Variants in CNBD1 observed in about 807,000 individuals in gnomAD.
CNBD1 encodes cyclic nucleotide binding domain containing 1.
CNBD1 carries 71 observed loss-of-function variants against 54.4 expected under a neutral mutation model. That is an observed-to-expected ratio of 1.30 (90% CI 1.08 to 1.59). The LOEUF (loss-of-function observed/expected upper bound fraction) is 1.59, where lower values mean the gene tolerates loss of function less well. Ranked by LOEUF, CNBD1 falls within the 40% of genes most tolerant of loss-of-function variation. The pLI, the probability that CNBD1 is intolerant of heterozygous loss-of-function variation, is 0.00. For missense variants in CNBD1, 659 were observed against 518.0 expected, an observed-to-expected ratio of 1.27 and a Z score of -2.64; for synonymous variants, 182 against 170.7, an observed-to-expected ratio of 1.07 and a Z score of -0.51.
At chr8:87,218,057 C>T (rs1814251430) in intron 5 of CNBD1, among the ~76,000 whole-genome samples, 1 of 151,954 alleles carries the variant, frequency 6.6e-6, no homozygotes, top group South Asian at 2.1e-4. Context: ...TTAGCTCTTC[C>T]ACCCGAATAC....
chr8:87,408,552 G>A (rs79166798), intron 2 of CNBD1, among the ~76,000 whole-genome samples: 1,763 of 151,428 alleles, frequency 0.012, 34 homozygotes, highest in African/African-American at 0.037. Context: ...TTTTCTTTTC[G>A]TCTCTCAGTA....
intron 6 of CNBD1, among the ~76,000 whole-genome samples, chr8:87,256,816 A>G (rs1050474020): frequency 1.3e-5 from 2 of 150,990 alleles, no homozygotes; most frequent in Non-Finnish European, 1.5e-5. Context: ...GTATAAAGAG[A>G]TCTTTGTCAG....
chr8:87,008,930 G>T (rs1425898027), intron 4 of CNBD1, among the ~76,000 whole-genome samples: 2 of 151,946 alleles, frequency 1.3e-5, no homozygotes, highest in Non-Finnish European at 2.9e-5. Flanking sequence ...GATAATCTTT[G>T]TCTTTTCATT....
intron 4 of CNBD1, among the ~76,000 whole-genome samples, chr8:87,164,656 TA>T: frequency 6.6e-6 from 1 of 151,874 alleles, no homozygotes; most frequent in East Asian, 1.9e-4. Context: ...CTTTAATTTA[TA>T]ATTTTATTTG....
At chr8:87,421,264 T>C (rs1380559507) in intron 2 of CNBD1, among the ~76,000 whole-genome samples, 2 of 151,108 alleles carry the variant, frequency 1.3e-5, no homozygotes, top group Non-Finnish European at 2.9e-5. Context: ...TTTTATTTTT[T>C]ATTTATTTCT....
intron 4 of CNBD1, among the ~76,000 whole-genome samples, chr8:87,047,049 C>T (rs1810209490): frequency 6.6e-6 from 1 of 152,166 alleles, no homozygotes; most frequent in Non-Finnish European, 1.5e-5. Flanking sequence ...AGTTTTTCAA[C>T]ATTTTATCTC....
At chr8:87,345,505 G>T (rs527600201) in intron 8 of CNBD1, among the ~76,000 whole-genome samples, 1 of 152,128 alleles carries the variant, frequency 6.6e-6, no homozygotes, top group South Asian at 2.1e-4. Context: ...AATTGACTTT[G>T]GGTCAATTGT....
At position 86,875,827 on chromosome 8, in the gene CNBD1, A is replaced by T. The variant is rs1283585972; in HGVS notation, c.88+9244A>T. On this transcript the variant is annotated intron_variant, in intron 1 of 10. Transcript: ENST00000518476. ...CTTTTTCTGTATTTAGGGAGATTAT[A>T]ATTTTAAAAATTTCAACTTATTGTG... 7.9e-5 allele frequency among the ~76,000 whole-genome samples: 12 copies of T among 152,282 alleles called. No individual in the cohort carries two copies. In the East Asian group the frequency reaches 2.3e-3, roughly 29 times the overall value.
At chr8:86,927,786 A>G (rs1247227004) in intron 3 of CNBD1, among the ~76,000 whole-genome samples, 1 of 152,174 alleles carries the variant, frequency 6.6e-6, no homozygotes. Context: ...TTTTTTAAGT[A>G]GGAAGGGGTT....
At chr8:87,384,169 C>G (rs5026455), downstream of CNBD1, among the ~76,000 whole-genome samples, 150,492 of 152,174 alleles carry the variant, frequency 0.99, 74,423 homozygotes, top group East Asian at 1. Context: ...TGTGTTATTT[C>G]CATGCACCAT....
At chr8:87,089,230 A>T (rs1157205477) in intron 4 of CNBD1, among the ~76,000 whole-genome samples, 1 of 152,136 alleles carries the variant, frequency 6.6e-6, no homozygotes, top group African/African-American at 2.4e-5. Context: ...TGGACCACAG[A>T]CATGATTCTG....
intron 3 of CNBD1, among the ~76,000 whole-genome samples, chr8:86,908,779 G>T (rs73268044): frequency 0.015 from 1,894 of 128,436 alleles, 25 homozygotes; most frequent in South Asian, 0.039. Flanking sequence ...ATCATCATAA[G>T]AATTCTTTTT....
At chr8:87,092,369 A>G (rs868115560) in intron 4 of CNBD1, among the ~76,000 whole-genome samples, 2,819 of 142,362 alleles carry the variant, frequency 0.02, 93 homozygotes, top group African/African-American at 0.071. Context: ...GTGTGTGTGT[A>G]TGTATGTGTG....
intron 4 of CNBD1, among the ~76,000 whole-genome samples, chr8:87,089,604 T>C (rs1427553507): frequency 6.6e-6 from 1 of 152,068 alleles, no homozygotes; most frequent in Non-Finnish European, 1.5e-5. Flanking sequence ...CTAAACAAGA[T>C]ATTGAGTTAG....
chr8:87,285,880 T>C (rs1194612698), intron 7 of CNBD1, among the ~76,000 whole-genome samples: 1 of 152,032 alleles, frequency 6.6e-6, no homozygotes, highest in Non-Finnish European at 1.5e-5. Flanking sequence ...CAAAAATAAA[T>C]AAATAAATAA....
At chr8:86,987,603 G>A (rs1808636851) in intron 4 of CNBD1, among the ~76,000 whole-genome samples, 1 of 152,106 alleles carries the variant, frequency 6.6e-6, no homozygotes, top group Admixed American at 6.6e-5. Flanking sequence ...AATGGTTTCA[G>A]TTTTTGCCAA....
At chr8:86,969,793 T>TACACACACAC (rs10547170) in intron 4 of CNBD1, among the ~76,000 whole-genome samples, 2 of 144,480 alleles carry the variant, frequency 1.4e-5, no homozygotes, top group Middle Eastern at 3.3e-3. Context: ...TATATATATA[T>TACACACACAC]ACACACACAC....
In CNBD1 at chr8:86,895,585, T is replaced by G. The variant is rs150817374; in HGVS notation, c.158+7974T>G. 5.3e-3 allele frequency among the ~76,000 whole-genome samples: 814 copies of G among 152,320 alleles called. 5 individuals carry two copies. The highest frequency in any genetic ancestry group is 8.2e-3 in the Non-Finnish European group (557 of 68,030). On this transcript the variant is annotated intron_variant, in intron 2 of 10. Transcript: ENST00000518476. Reference sequence around the variant, plus strand: ...TTCCCACCCAAAATGAGTGAGTTTCTTTTGCTCCATAACCTCATCATCATT... The same window carrying G: ...TTCCCACCCAAAATGAGTGAGTTTCGTTTGCTCCATAACCTCATCATCATT...
At chr8:87,191,912 T>C (rs560726487) in intron 4 of CNBD1, among the ~76,000 whole-genome samples, 1 of 152,290 alleles carries the variant, frequency 6.6e-6, no homozygotes, top group South Asian at 2.1e-4. Flanking sequence ...CTAGCGCATA[T>C]ATGAAAGAAA....
Sources: allele counts gnomAD v4.1 joint callset (sites outside exome capture counted in the v4.1 genomes callset), GRCh38; gene constraint gnomAD v4.1.1; transcripts MANE v1.5; gene names NCBI Gene and HGNC (gene_info 2026-07-23, HGNC 2026-07-21).